DCC: variants seen among roughly 807,000 people sequenced by gnomAD.
DCC encodes DCC netrin 1 receptor.
A neutral mutation model predicts 172.5 loss-of-function variants in DCC; 58 were observed. The observed-to-expected ratio is 0.34, with a 90% CI of 0.27 to 0.42. The LOEUF is 0.42. Among genes scored for constraint, DCC ranks in the 10% least tolerant of loss-of-function variants. The probability of loss-of-function intolerance (pLI) is 1.00; values close to 1 mark genes in which losing one functional copy is unlikely to be tolerated. For missense variants in DCC, 1,740 were observed against 1,791.0 expected (o/e 0.97, Z 0.51); for synonymous variants, 709 against 644.5 (o/e 1.10, Z -1.52).
chr18:52,863,977 A>T (rs1210385829), intron 2 of DCC, among the ~76,000 whole-genome samples: 1 of 152,190 alleles, frequency 6.6e-6, no homozygotes, highest in Non-Finnish European at 1.5e-5. Context: ...ATGCAAACTT[A>T]AAAAGCATTT....
intron 7 of DCC, among the ~76,000 whole-genome samples, chr18:53,139,882 T>A (rs1160883517): frequency 6.6e-6 from 1 of 152,200 alleles, no homozygotes; most frequent in Non-Finnish European, 1.5e-5. Context: ...GCTTATACTC[T>A]GTTTACCATA....
chr18:53,090,224 T>C (rs2042982154), intron 7 of DCC, among the ~76,000 whole-genome samples: 1 of 152,212 alleles, frequency 6.6e-6, no homozygotes, highest in African/African-American at 2.4e-5. Flanking sequence ...TAATAGCAAC[T>C]GTATTTCTTT....
At chr18:52,678,941 G>T (rs1267663858) in intron 1 of DCC, among the ~76,000 whole-genome samples, 1 of 151,894 alleles carries the variant, frequency 6.6e-6, no homozygotes, top group Non-Finnish European at 1.5e-5. Context: ...ATTTCCGATA[G>T]TAACCTCCTC....
chr18:53,505,446 T>C (rs1400749100), intron 27 of DCC: 1 of 152,190 alleles, frequency 6.6e-6, no homozygotes, highest in African/African-American at 2.4e-5. Context: ...GAGCAAAAAC[T>C]GAACAGCTAG....
chr18:53,385,012 A>G (rs187531004), intron 15 of DCC, among the ~76,000 whole-genome samples: 3,865 of 131,088 alleles, frequency 0.029, 76 homozygotes, highest in Middle Eastern at 0.063. Context: ...GTGCCCGGCT[A>G]ATTTTTTTCT....
chr18:52,365,397 T>C (rs1984801471), intron 1 of DCC, among the ~76,000 whole-genome samples: 1 of 152,236 alleles, frequency 6.6e-6, no homozygotes, highest in African/African-American at 2.4e-5. Flanking sequence ...TAACACATGA[T>C]TACTTATTAA....
chr18:52,969,876 A>T (rs753967229), intron 5 of DCC, among the ~76,000 whole-genome samples: 1 of 152,232 alleles, frequency 6.6e-6, no homozygotes, highest in East Asian at 1.9e-4. Context: ...TGTAGCAGGT[A>T]TTCAATAAGT....
intron 2 of DCC, among the ~76,000 whole-genome samples, chr18:52,880,165 T>C (rs1303587065): frequency 6.6e-6 from 1 of 152,126 alleles, no homozygotes; most frequent in Non-Finnish European, 1.5e-5. Flanking sequence ...AGGGTTTCAC[T>C]CTGTCACCCA....
intron 5 of DCC, among the ~76,000 whole-genome samples, chr18:52,965,333 A>G (rs1253570022): frequency 6.6e-6 from 1 of 152,130 alleles, no homozygotes; most frequent in Non-Finnish European, 1.5e-5. Context: ...TAGAAAGGAC[A>G]TGCTTGATTT....
intron 5 of DCC, among the ~76,000 whole-genome samples, chr18:53,012,646 T>TA (rs1275177625): frequency 6.6e-6 from 1 of 152,080 alleles, no homozygotes; most frequent in Non-Finnish European, 1.5e-5. Context: ...GTGATACAGT[T>TA]AAGATTTATA....
intron 1 of DCC, among the ~76,000 whole-genome samples, chr18:52,737,601 G>T (rs1431676310): frequency 6.6e-6 from 1 of 152,074 alleles, no homozygotes; most frequent in Non-Finnish European, 1.5e-5. Flanking sequence ...TAGGTACAGC[G>T]GGGAGTAGTA....
At chr18:52,750,181 G>C (rs1162842434) in intron 1 of DCC, among the ~76,000 whole-genome samples, 2 of 152,182 alleles carry the variant, frequency 1.3e-5, no homozygotes, top group African/African-American at 4.8e-5. Context: ...GTTGAACTTA[G>C]AGATCATCTA....
intron 7 of DCC, among the ~76,000 whole-genome samples, chr18:53,081,934 TA>T (rs1420062087): frequency 1.3e-5 from 2 of 152,134 alleles, no homozygotes; most frequent in East Asian, 3.8e-4. Context: ...TTTTACCTCT[TA>T]AAAGCTACAC....
chr18:52,723,572 T>A (rs2145080676), intron 1 of DCC, among the ~76,000 whole-genome samples: 1 of 152,242 alleles, frequency 6.6e-6, no homozygotes, highest in Non-Finnish European at 1.5e-5. Context: ...AAAGCATTCA[T>A]CTAACTTACA....
At chr18:52,345,122 T>A (rs1040948599) in intron 1 of DCC, among the ~76,000 whole-genome samples, 9 of 152,330 alleles carry the variant, frequency 5.9e-5, no homozygotes, top group Non-Finnish European at 1.2e-4. Context: ...CAGCTATACA[T>A]TTTTGAAGGA....
chr18:53,093,365 A>G (rs532955665), intron 7 of DCC, among the ~76,000 whole-genome samples: 3 of 152,318 alleles, frequency 2.0e-5, no homozygotes, highest in South Asian at 4.1e-4. Context: ...ACACGTTACT[A>G]TTGCATAGCA....
intron 9 of DCC, among the ~76,000 whole-genome samples, chr18:53,193,748 C>T (rs964754965): frequency 1.8e-4 from 28 of 152,018 alleles, no homozygotes; most frequent in African/African-American, 6.3e-4. Flanking sequence ...ATTTATATTC[C>T]CTCCCAAAAG....
chr18:52,837,454 T>C (rs12954536), intron 2 of DCC, among the ~76,000 whole-genome samples: 4,479 of 152,266 alleles, frequency 0.029, 92 homozygotes, highest in Middle Eastern at 0.054. Flanking sequence ...CTCTCTCAAG[T>C]TCAAAACTCC....
chr18:53,334,072 C>T (rs184626439), intron 14 of DCC, among the ~76,000 whole-genome samples: 2 of 152,310 alleles, frequency 1.3e-5, no homozygotes, highest in East Asian at 3.9e-4. Flanking sequence ...CTCTATAGCT[C>T]TGTTAACTAC....
Sources: gnomAD v4.1 joint callset for allele counts (sites outside exome capture counted in the v4.1 genomes callset) on GRCh38, gnomAD v4.1.1 for gene constraint, MANE v1.5 for transcripts, NCBI Gene and HGNC (gene_info 2026-07-23, HGNC 2026-07-21) for gene names.